The following ZNF700 variants were observed in gnomAD, a reference collection of about 807,000 sequenced individuals.
The protein encoded by ZNF700 is zinc finger protein 700.
A neutral mutation model predicts 65.3 loss-of-function variants in ZNF700; 38 were observed. The observed-to-expected ratio is 0.58, with a 90% CI of 0.45 to 0.76. ZNF700 has a LOEUF of 0.76. Ranked by LOEUF, ZNF700 falls within the 30% of genes least tolerant of loss-of-function variation. The pLI is 0.00. For missense variants in ZNF700, 857 were observed against 888.4 expected, an observed-to-expected ratio of 0.96 and a Z score of 0.45; for synonymous variants, 285 against 290.4, an observed-to-expected ratio of 0.98 and a Z score of 0.19.
Position 11,925,534 on chromosome 19 carries a change from T to G in ZNF700, c.63+261T>G, listed in dbSNP as rs539961930. Among the ~76,000 whole-genome samples the G allele has an allele frequency of 1.2e-4, 19 of 152,198 alleles. No individual in the cohort carries two copies. The South Asian group carries it at 3.7e-3, about 30-fold the overall frequency. ...CGGAGCCCTCTCTGGGCAGTTCCGC[T>G]CCCGCAGCCCCGCGTCTCCCCAGAT... On this transcript the variant is annotated intron_variant, in intron 1 of 3. Transcript: ENST00000254321.
At position 11,948,276 on chromosome 19, in the gene ZNF700, G is replaced by C; in HGVS notation, c.252G>C (p.Arg84Ser). 1.2e-6 allele frequency: 2 copies of C among 1,611,472 alleles called. No homozygotes were observed. The highest frequency in any genetic ancestry group is 1.7e-6 in the Non-Finnish European group (2 of 1,179,296). Residue 84 changes from arginine (R) to serine (S), a missense_variant and splice_region_variant, in exon 4 of 4, where the codon AGG becomes AGC. Arg to Ser is a moderately radical substitution (Grantham distance 110). This residue lies in a region of ZNF700 where 603 missense variants were observed against 619.9 expected (regional missense o/e 0.97). Transcript: ENST00000254321. ...ATGATGTGTTTCTCATGTTTTACAG[G>C]AGTCTCATAGAAGAGAAAGTCAATG... The part of the protein sequence containing the change: ...YEYQNPRRSF[R>S]SLIEEKVNEI...
At chr19:11,928,486 A>C (rs1972665737) in intron 1 of ZNF700, among the ~76,000 whole-genome samples, 1 of 149,668 alleles carries the variant, frequency 6.7e-6, no homozygotes, top group South Asian at 2.1e-4. Flanking sequence ...TAATCCCAGC[A>C]CTTTGGGAGG....
At chr19:11,941,575 G>A (rs560540729) in intron 1 of ZNF700, among the ~76,000 whole-genome samples, 95 of 152,322 alleles carry the variant, frequency 6.2e-4, no homozygotes, top group African/African-American at 1.9e-3. Context: ...CAGCAGGGTC[G>A]GCCGGCTGCT....
intron 3 of ZNF700, among the ~76,000 whole-genome samples, chr19:11,947,956 G>C (rs1362408564): frequency 6.6e-6 from 1 of 152,200 alleles, no homozygotes; most frequent in Non-Finnish European, 1.5e-5. Flanking sequence ...GCTGCAGTAA[G>C]CTATGATGAT....
intron 1 of ZNF700, among the ~76,000 whole-genome samples, chr19:11,939,361 C>G (rs1168611312): frequency 6.6e-6 from 1 of 152,062 alleles, no homozygotes; most frequent in Admixed American, 6.6e-5. Context: ...GGTTTTAGGT[C>G]TAACATTTAA....
rs113840840 is a variant in ZNF700 at position 11,950,232 on chromosome 19, T to C, written c.2208T>C (p.Asp736=). The change falls in exon 4 of 4, where the codon GAT becomes GAC. Residue 736 remains aspartate (D), a synonymous_variant. Coordinates refer to ENST00000254321, the MANE Select transcript of ZNF700 (RefSeq NM_144566.3). ...GAGAGAAGCCATATGAATGTAAGGA[T>C]TGTGGGAAAGCATTCAGCTAGCCTG... ...HMGEKPYECK[D]CGKAFS 691 of 1,610,390 alleles carry C rather than the reference T, an allele frequency of 4.3e-4. 4 individuals are homozygous for C. In the African/African-American group the frequency reaches 7.6e-3, roughly 18 times the overall value.
At chr19:11,925,470 C>G (rs564729975) in intron 1 of ZNF700, among the ~76,000 whole-genome samples, 197 bp downstream of exon 1, 1 of 152,268 alleles carries the variant, frequency 6.6e-6, no homozygotes, top group Non-Finnish European at 1.5e-5. Flanking sequence ...GGCGTCCTGT[C>G]CCGTCCCTGC....
chr19:11,942,279 A>G (rs1163610425), intron 1 of ZNF700, among the ~76,000 whole-genome samples: 1 of 151,266 alleles, frequency 6.6e-6, no homozygotes, highest in Non-Finnish European at 1.5e-5. Context: ...CTTCTCTAAC[A>G]ATGTCATCAA....
Position 11,949,917 on chromosome 19 carries a change from T to G in ZNF700, c.1893T>G (p.Ser631=), listed in dbSNP as rs1973035815. 6.2e-7 allele frequency: 1 copy of G among 1,613,998 alleles called. No homozygotes were observed. Among genetic ancestry groups the G allele is most frequent in the Admixed American group, 1.7e-5 (1 of 59,996 alleles). Reference sequence around the variant, plus strand: ...AGCAATGTGGGAAAGCCTTCAGATCTGCCTCAAACCTTCAGATGCATGAAA... The same window carrying G: ...AGCAATGTGGGAAAGCCTTCAGATCGGCCTCAAACCTTCAGATGCATGAAA... ...ECKQCGKAFR[S]ASNLQMHERT... is the part of the protein sequence containing the mutation. Residue 631 remains serine, a synonymous_variant, in exon 4 of 4, where the codon TCT becomes TCG. Transcript: ENST00000254321.
chr19:11,931,852 G>A (rs755922917), intron 1 of ZNF700, among the ~76,000 whole-genome samples: 1 of 147,924 alleles, frequency 6.8e-6, no homozygotes, highest in Non-Finnish European at 1.5e-5. Flanking sequence ...ACGGTGGCTC[G>A]CGCCTATAAT....
At position 11,925,168 on chromosome 19, in the gene ZNF700, C is replaced by T. The variant is rs777792011; in HGVS notation, c.-43C>T. ...CCGGTCAGACCAGCCCGAGAGGGAC[C>T]TGGTGCCTGTACCCAGGCTTCTGTC... On this transcript the variant is annotated 5_prime_UTR_variant, in exon 1 of 4. Coordinates refer to ENST00000254321, the MANE Select transcript of ZNF700 (RefSeq NM_144566.3). 1.1e-5 allele frequency: 18 copies of T among 1,608,538 alleles called. No individual in the cohort carries two copies. In the Admixed American group the frequency reaches 1.7e-4, roughly 15 times the overall value.
At chr19:11,932,935 C>T (rs1037729644) in intron 1 of ZNF700, among the ~76,000 whole-genome samples, 1 of 148,442 alleles carries the variant, frequency 6.7e-6, no homozygotes, top group Non-Finnish European at 1.5e-5. Flanking sequence ...CTGCACCCGG[C>T]CAATATGTGA....
intron 1 of ZNF700, 39 bp from the exon 2 acceptor site, chr19:11,947,142 C>T (rs1471574389): frequency 6.2e-7 from 1 of 1,605,438 alleles, no homozygotes; most frequent in Non-Finnish European, 8.5e-7. Flanking sequence ...AGTGCTGTCA[C>T]TCTCACCCAT....
intron 1 of ZNF700, among the ~76,000 whole-genome samples, chr19:11,927,601 T>C (rs1972650779): frequency 6.6e-6 from 1 of 152,200 alleles, no homozygotes; most frequent in African/African-American, 2.4e-5. Context: ...CCTGTGCCTA[T>C]GTGCATGTGG....
At chr19:11,940,835 C>G (rs985870856) in intron 1 of ZNF700, among the ~76,000 whole-genome samples, 3 of 151,820 alleles carry the variant, frequency 2.0e-5, no homozygotes, top group Non-Finnish European at 4.4e-5. Context: ...CCACGTCCCC[C>G]CCAGATTAGC....
At chr19:11,925,720 C>A (rs1040452205) in intron 1 of ZNF700, among the ~76,000 whole-genome samples, 6 of 152,150 alleles carry the variant, frequency 3.9e-5, no homozygotes, top group Non-Finnish European at 7.3e-5. Flanking sequence ...GAGCAAACAG[C>A]GATTCACGAA....
chr19:11,950,270 G>C lies in ZNF700; in HGVS notation c.*17G>C, dbSNP rs750533481. 1 of 1,592,658 alleles carries C rather than the reference G, an allele frequency of 6.3e-7. No homozygotes were observed. The highest frequency in any genetic ancestry group is 2.2e-5 in the East Asian group (1 of 44,616). On this transcript the variant is annotated 3_prime_UTR_variant, in exon 4 of 4. Transcript: ENST00000254321. ...TTCAGCTAGCCTGGTTCCTTTTATG[G>C]ACATGAATAGACTCACACTGGAAGG...
intron 1 of ZNF700, among the ~76,000 whole-genome samples, chr19:11,943,700 C>T (rs190671143): frequency 3.4e-3 from 525 of 152,248 alleles, no homozygotes; most frequent in Non-Finnish European, 5.4e-3. Context: ...AACTAGAAAA[C>T]CGAAAGATTG....
At chr19:11,931,964 A>C (rs1457611929) in intron 1 of ZNF700, among the ~76,000 whole-genome samples, 1 of 147,448 alleles carries the variant, frequency 6.8e-6, no homozygotes, top group Non-Finnish European at 1.5e-5. Context: ...AAAAACACAA[A>C]ATTAGCCAGG....
Sources: gnomAD v4.1 joint callset for allele counts (sites outside exome capture counted in the v4.1 genomes callset) on GRCh38, gnomAD v4.1.1 for gene constraint, gnomAD v4.1.1 regional missense constraint, MANE v1.5 for transcripts, NCBI Gene and HGNC (gene_info 2026-07-23, HGNC 2026-07-21) for gene names.